The following CADM2 variants were observed in gnomAD, a reference collection of about 807,000 sequenced individuals.
CADM2 encodes the protein cell adhesion molecule 2.
In CADM2, 12 loss-of-function variants were observed where a neutral mutation model predicts 49.8. The ratio of observed to expected loss-of-function variants is 0.24; its 90% CI spans 0.15 to 0.39. CADM2 has a LOEUF of 0.39. CADM2 is among the 10% of genes least tolerant of loss of function. The probability of loss-of-function intolerance (pLI) is 1.00; values close to 1 mark genes in which losing one functional copy is unlikely to be tolerated. For synonymous variants in CADM2, 214 were observed against 175.4 expected (o/e 1.22, Z -1.74); for missense variants, 378 against 492.3 (o/e 0.77, Z 2.20).
chr3:86,060,100 AATT>A (rs1233810571), intron 8 of CADM2, among the ~76,000 whole-genome samples: 2 of 152,232 alleles, frequency 1.3e-5, no homozygotes, highest in East Asian at 3.9e-4. Flanking sequence ...GTTATAAATT[AATT>A]TCTTCAAAAG....
At chr3:85,626,098 A>G (rs181963707) in intron 1 of CADM2, among the ~76,000 whole-genome samples, 62 of 152,100 alleles carry the variant, frequency 4.1e-4, no homozygotes, top group African/African-American at 1.4e-3. Context: ...GAAATTAGTA[A>G]TTTACTGATA....
At chr3:85,660,464 TGAACA>T (rs2065367177) in intron 1 of CADM2, among the ~76,000 whole-genome samples, 1 of 151,192 alleles carries the variant, frequency 6.6e-6, no homozygotes, top group Admixed American at 6.6e-5. Flanking sequence ...TAGCTCAAAA[TGAACA>T]AATTTTCTAG....
intron 1 of CADM2, among the ~76,000 whole-genome samples, chr3:85,447,059 C>T (rs1028393425): frequency 5.9e-5 from 7 of 119,602 alleles, no homozygotes; most frequent in Non-Finnish European, 1.2e-4. Context: ...ATATATATTT[C>T]ACTTTTATAG....
At chr3:85,648,293 C>T (rs1357419096) in intron 1 of CADM2, among the ~76,000 whole-genome samples, 1 of 151,854 alleles carries the variant, frequency 6.6e-6, no homozygotes, top group Middle Eastern at 3.2e-3. Flanking sequence ...TTAAAATAAT[C>T]TTTAAGTAGA....
chr3:85,715,196 T>C (rs2067247256), intron 1 of CADM2, among the ~76,000 whole-genome samples: 1 of 152,164 alleles, frequency 6.6e-6, no homozygotes, highest in South Asian at 2.1e-4. Flanking sequence ...GCATATAAAC[T>C]CTTAGTGGTA....
intron 1 of CADM2, among the ~76,000 whole-genome samples, chr3:85,036,406 A>G (rs1273608788): frequency 6.6e-6 from 1 of 152,190 alleles, no homozygotes; most frequent in Non-Finnish European, 1.5e-5. Context: ...TTAACGACTT[A>G]AAATAAGCCT....
chr3:86,027,524 C>A (rs1251198202), intron 8 of CADM2, among the ~76,000 whole-genome samples: 1 of 152,086 alleles, frequency 6.6e-6, no homozygotes, highest in Non-Finnish European at 1.5e-5. Flanking sequence ...ACTATGCTCT[C>A]TTTTTGACTA....
rs1183396337 is a variant in CADM2, at chr3:85,555,190, C to CA, written c.62-171326dup. On this transcript the variant is annotated intron_variant, in intron 1 of 9. Transcript: ENST00000383699. ...ACCAAGTGTGTGAATATTTTATATACAAAAAATGTGCTTTAAGGTGGCTTA... is the reference window on the plus strand; with the variant it reads ...ACCAAGTGTGTGAATATTTTATATACAAAAAAATGTGCTTTAAGGTGGCTTA... 3.3e-5 allele frequency among the ~76,000 whole-genome samples: 5 copies of CA among 152,176 alleles called. No individual in the cohort carries two copies. In the South Asian group the frequency reaches 8.3e-4, roughly 25 times the overall value.
chr3:85,484,935 T>C (rs1486018402), intron 1 of CADM2, among the ~76,000 whole-genome samples: 6 of 151,880 alleles, frequency 4.0e-5, no homozygotes, highest in Admixed American at 6.6e-5. Context: ...TTCACGCAGT[T>C]TGCCAGTGTA....
Position 84,982,702 on chromosome 3 carries a change from C to CATATGTATAT in CADM2, c.61+23038_61+23039insGTATATATAT, listed in dbSNP as rs1177661723. 5.1e-3 allele frequency among the ~76,000 whole-genome samples: 390 copies of CATATGTATAT among 76,318 alleles called. 8 individuals carry two copies. The highest frequency in any genetic ancestry group is 8.0e-3 in the South Asian group (14 of 1,740). 50.1% of individuals were successfully genotyped at this position (76,318 alleles called of 152,430 possible). On this transcript the variant is annotated intron_variant, in intron 1 of 9. Coordinates refer to ENST00000383699, the MANE Select transcript of CADM2 (RefSeq NM_001167675.2). Reference sequence around the variant, plus strand: ...GACATATAGATTGAAAACTATAAAGCATATATATATATATATATATATATA... The same window carrying CATATGTATAT: ...GACATATAGATTGAAAACTATAAAGCATATGTATATATATATATATATATATATATATATA...
intron 1 of CADM2, among the ~76,000 whole-genome samples, chr3:85,472,655 A>G (rs1226651692): frequency 2.6e-5 from 4 of 151,990 alleles, no homozygotes; most frequent in Non-Finnish European, 5.9e-5. Flanking sequence ...AACTGGTACC[A>G]TGTTATCTAT....
At chr3:85,205,103 C>T (rs915151290) in intron 1 of CADM2, among the ~76,000 whole-genome samples, 1 of 151,290 alleles carries the variant, frequency 6.6e-6, no homozygotes, top group Admixed American at 6.6e-5. Context: ...CTGCAGCCTC[C>T]ACCTCATGGG....
chr3:85,573,220 G>T (rs2062535057), intron 1 of CADM2, among the ~76,000 whole-genome samples: 1 of 33,848 alleles, frequency 3.0e-5, no homozygotes, highest in Admixed American at 4.2e-4. Context: ...CTGAGGCAAG[G>T]TCTCGCCTGT....
At chr3:85,731,683 A>C (rs1355527856) in intron 2 of CADM2, among the ~76,000 whole-genome samples, 1 of 152,262 alleles carries the variant, frequency 6.6e-6, no homozygotes, top group Admixed American at 6.5e-5. Context: ...CACATACAGT[A>C]TAAGATGTGA....
intron 1 of CADM2, among the ~76,000 whole-genome samples, chr3:85,345,904 T>G (rs1425656176): frequency 6.6e-6 from 1 of 152,202 alleles, no homozygotes; most frequent in African/African-American, 2.4e-5. Context: ...GTCTGTAACT[T>G]AATCTCCAAT....
intron 1 of CADM2, among the ~76,000 whole-genome samples, chr3:84,995,648 C>G (rs1208761462): frequency 6.6e-6 from 1 of 151,992 alleles, no homozygotes; most frequent in East Asian, 1.9e-4. Context: ...TAAGTACTTG[C>G]CTACAAAAGA....
At chr3:85,720,447 G>C (rs2067459073) in intron 1 of CADM2, among the ~76,000 whole-genome samples, 1 of 151,920 alleles carries the variant, frequency 6.6e-6, no homozygotes, top group African/African-American at 2.4e-5. Flanking sequence ...TTTCCTCTTT[G>C]TTTAGTAGCT....
intron 1 of CADM2, among the ~76,000 whole-genome samples, chr3:85,328,851 A>C (rs982327579): frequency 6.6e-6 from 1 of 150,670 alleles, no homozygotes; most frequent in Non-Finnish European, 1.5e-5. Context: ...ATATTCTATA[A>C]TTTTATATAA....
chr3:85,177,101 A>C (rs1433486446), intron 1 of CADM2, among the ~76,000 whole-genome samples: 1 of 152,174 alleles, frequency 6.6e-6, no homozygotes, highest in African/African-American at 2.4e-5. Context: ...AAACAGTGCA[A>C]GTCTTTAATA....
Sources: allele counts gnomAD v4.1 joint callset (sites outside exome capture counted in the v4.1 genomes callset), GRCh38; gene constraint gnomAD v4.1.1; transcripts MANE v1.5; gene names NCBI Gene and HGNC (gene_info 2026-07-23, HGNC 2026-07-21).